RALYL: variants seen among roughly 807,000 people sequenced by gnomAD.
The protein encoded by RALYL is RALY RNA binding protein like.
A neutral mutation model predicts 35.1 loss-of-function variants in RALYL; 29 were observed. The observed-to-expected ratio is 0.83, with a 90% CI of 0.61 to 1.13. RALYL has a LOEUF of 1.13. Among genes scored for constraint, RALYL ranks in the 50% most tolerant of loss-of-function variants. The probability of loss-of-function intolerance (pLI) is 0.00; values close to 1 mark genes in which losing one functional copy is unlikely to be tolerated. For missense variants in RALYL, 359 were observed against 360.4 expected (o/e 1.00, Z 0.03); for synonymous variants, 120 against 127.6 (o/e 0.94, Z 0.40).
chr8:84,655,424 G>A (rs1423354253), intron 2 of RALYL, among the ~76,000 whole-genome samples: 1 of 151,968 alleles, frequency 6.6e-6, no homozygotes. Flanking sequence ...TGCCTTCCAG[G>A]TTCAAGTGAT....
intron 1 of RALYL, among the ~76,000 whole-genome samples, chr8:84,515,548 T>G (rs2057992288): frequency 6.6e-6 from 1 of 152,178 alleles, no homozygotes; most frequent in Admixed American, 6.5e-5. Context: ...AATCTCTGAT[T>G]CTCAAAATTG....
rs561171565 is a variant in RALYL at position 84,573,599 on chromosome 8, A to T, written c.256+44022A>T. ...TCAGTAAGTTTATTTGTTTCATAGA[A>T]TATGGAATTTTTTTAAGCACTTATT... On this transcript the variant is annotated intron_variant, in intron 2 of 8. Coordinates refer to ENST00000521268, the MANE Select transcript of RALYL (RefSeq NM_173848.7). 1.3e-4 allele frequency among the ~76,000 whole-genome samples: 19 copies of T among 151,976 alleles called. 1 individual carries two copies. The South Asian group carries it at 3.9e-3, about 31-fold the overall frequency.
chr8:84,784,424 T>C (rs551639882), intron 3 of RALYL, among the ~76,000 whole-genome samples: 1 of 152,188 alleles, frequency 6.6e-6, no homozygotes, highest in Non-Finnish European at 1.5e-5. Context: ...ATGTGAATGA[T>C]TTTTTAAAGA....
intron 1 of RALYL, among the ~76,000 whole-genome samples, chr8:84,282,998 A>G (rs73304859): frequency 0.042 from 6,457 of 151,966 alleles, 228 homozygotes; most frequent in African/African-American, 0.087. Context: ...ACATGGAAAT[A>G]TAGTAAACAA....
chr8:84,478,840 A>G (rs2053705102), intron 1 of RALYL, among the ~76,000 whole-genome samples: 1 of 151,110 alleles, frequency 6.6e-6, no homozygotes, highest in Non-Finnish European at 1.5e-5. Context: ...TAATCCCAGC[A>G]CTTTGGGAGG....
intron 2 of RALYL, among the ~76,000 whole-genome samples, chr8:84,760,421 A>T (rs187659885): frequency 4.5e-4 from 68 of 152,212 alleles, no homozygotes; most frequent in African/African-American, 1.6e-3. Context: ...CAGAGATATA[A>T]GTATCACATT....
intron 2 of RALYL, among the ~76,000 whole-genome samples, chr8:84,743,044 T>G (rs1807752440): frequency 6.6e-6 from 1 of 151,986 alleles, no homozygotes; most frequent in South Asian, 2.1e-4. Flanking sequence ...TTCCTGGCAA[T>G]TTTAGGAAAA....
At chr8:84,367,257 T>C in intron 1 of RALYL, among the ~76,000 whole-genome samples, 1 of 137,182 alleles carries the variant, frequency 7.3e-6, no homozygotes. Flanking sequence ...TGCCTCAGCC[T>C]CCCGAGTAAC....
intron 1 of RALYL, among the ~76,000 whole-genome samples, chr8:84,267,843 G>A (rs1833621883): frequency 6.6e-6 from 1 of 152,150 alleles, no homozygotes; most frequent in Non-Finnish European, 1.5e-5. Flanking sequence ...TGTTTTTAAA[G>A]CAGAGTTTAT....
At chr8:84,684,398 C>T (rs1370549637) in intron 2 of RALYL, among the ~76,000 whole-genome samples, 1 of 151,930 alleles carries the variant, frequency 6.6e-6, no homozygotes, top group East Asian at 1.9e-4. Context: ...ACAGATATGC[C>T]CAAGGCAATG....
chr8:84,640,457 A>G (rs1360299280), intron 2 of RALYL, among the ~76,000 whole-genome samples: 1 of 152,038 alleles, frequency 6.6e-6, no homozygotes, highest in Non-Finnish European at 1.5e-5. Flanking sequence ...ACATCAGAAG[A>G]TTGTGTTAAG....
chr8:84,298,951 G>A (rs1404431319), intron 1 of RALYL, among the ~76,000 whole-genome samples: 2 of 152,010 alleles, frequency 1.3e-5, no homozygotes, highest in African/African-American at 4.8e-5. Flanking sequence ...AGATCTAGGA[G>A]CTTTTGCGAA....
chr8:84,540,917 T>A (rs2059977860), intron 2 of RALYL, among the ~76,000 whole-genome samples: 1 of 152,072 alleles, frequency 6.6e-6, no homozygotes, highest in Non-Finnish European at 1.5e-5. Flanking sequence ...AGTGTACATT[T>A]GATACACATT....
chr8:84,240,171 A>G (rs143039672), intron 1 of RALYL, among the ~76,000 whole-genome samples: 141 of 152,354 alleles, frequency 9.3e-4, no homozygotes, highest in African/African-American at 3.1e-3. Context: ...CAAATGAGTA[A>G]TAAAAACTTC....
chr8:84,817,060 C>G (rs983274024), intron 4 of RALYL, among the ~76,000 whole-genome samples: 2 of 152,106 alleles, frequency 1.3e-5, no homozygotes, highest in African/African-American at 4.8e-5. Flanking sequence ...CGCCTAAGTC[C>G]TTTGAGATGC....
intron 1 of RALYL, among the ~76,000 whole-genome samples, chr8:84,476,927 A>C (rs2053491431): frequency 7.2e-5 from 11 of 152,196 alleles, no homozygotes; most frequent in Admixed American, 3.9e-4. Context: ...ACTCTGTTAT[A>C]TCAGATTTTT....
At chr8:84,868,352 C>G (rs977654735) in intron 6 of RALYL, among the ~76,000 whole-genome samples, 5 of 152,106 alleles carry the variant, frequency 3.3e-5, no homozygotes, top group African/African-American at 1.2e-4. Context: ...ACCACCATGC[C>G]TGGCTAATTT....
chr8:84,830,884 T>A (rs1830782842), intron 4 of RALYL, among the ~76,000 whole-genome samples: 1 of 151,934 alleles, frequency 6.6e-6, no homozygotes, highest in Admixed American at 6.6e-5. Flanking sequence ...TAAGAAGAGA[T>A]TAATATGGAA....
At chr8:84,419,287 T>C (rs1251780065) in intron 1 of RALYL, among the ~76,000 whole-genome samples, 1 of 152,160 alleles carries the variant, frequency 6.6e-6, no homozygotes, top group African/African-American at 2.4e-5. Flanking sequence ...TTAAGTTTTC[T>C]TGAGCCTTTT....
Sources: allele counts gnomAD v4.1 joint callset (sites outside exome capture counted in the v4.1 genomes callset), GRCh38; gene constraint gnomAD v4.1.1; transcripts MANE v1.5; gene names NCBI Gene and HGNC (gene_info 2026-07-23, HGNC 2026-07-21).